KCNQ1OT1: variants seen among roughly 807,000 people sequenced by gnomAD.
The protein encoded by KCNQ1OT1 is KCNQ1 opposite strand/antisense transcript 1.
In KCNQ1OT1 at chr11:2,645,575, A is replaced by T; in HGVS notation, n.54420T>A. The T allele has an allele frequency of 2.5e-6, 1 of 398,714 alleles. No homozygotes were observed. Among genetic ancestry groups the T allele is most frequent in the Non-Finnish European group, 4.4e-6 (1 of 226,152 alleles). The allele number at this position is 398,714 out of a possible 1,614,324, so 24.7% of individuals were successfully genotyped here. ...TCAGTGGCAGCAGCTATAAACAGGC[A>T]GTTGGGCAATGCATGCTTCGGCCCC... On this transcript the variant is annotated non_coding_transcript_exon_variant, in exon 1 of 1. Coordinates refer to ENST00000597346, the Ensembl canonical transcript of KCNQ1OT1. The surrounding 1 kb of genome is among the most constrained non-coding windows in gnomAD (Gnocchi z 5.8).
At position 2,677,444 on chromosome 11, in the gene KCNQ1OT1, C is replaced by A. The variant is rs1166305737; in HGVS notation, n.22551G>T. 2.5e-6 allele frequency: 1 copy of A among 398,540 alleles called. No homozygotes were observed. Among genetic ancestry groups the A allele is most frequent in the Non-Finnish European group, 4.4e-6 (1 of 226,036 alleles). 24.7% of individuals were successfully genotyped at this position (398,540 alleles called of 1,614,324 possible). On this transcript the variant is annotated non_coding_transcript_exon_variant, in exon 1 of 1. Transcript: ENST00000597346. This position sits in a 1 kb window ranked among gnomAD's most constrained non-coding sequence, Gnocchi z 4.5. ...ACAGCAGGGGAGATGATAATTGATG[C>A]AGGTGGCCTCTTGGTCAAGCAGTGA...
In KCNQ1OT1 at chr11:2,652,384, G is replaced by C. The variant is rs188337484; in HGVS notation, n.47611C>G. ...AAGGTGAAAAGATCGCTCTTAATTA[G>C]ATTAAAAACATTTTTTTCTTCCTGT... is the stretch of plus-strand genomic sequence containing the variant. On this transcript the variant is annotated non_coding_transcript_exon_variant, in exon 1 of 1. Coordinates refer to ENST00000597346, the Ensembl canonical transcript of KCNQ1OT1. The surrounding 1 kb of genome is among the most constrained non-coding windows in gnomAD (Gnocchi z 5.9). The C allele has an allele frequency of 5.0e-6, 2 of 398,634 alleles. No individual in the cohort carries two copies. Among genetic ancestry groups the C allele is most frequent in the Admixed American group, 8.8e-5 (2 of 22,734 alleles). 24.7% of individuals were successfully genotyped at this position (398,634 alleles called of 1,614,324 possible).
Position 2,611,127 on chromosome 11 carries a change from C to T in KCNQ1OT1, n.88868G>A, listed in dbSNP as rs1419218446. 2.5e-6 allele frequency: 1 copy of T among 398,236 alleles called. No homozygotes were observed. Among genetic ancestry groups the T allele is most frequent in the African/African-American group, 2.1e-5 (1 of 48,582 alleles). The allele number at this position is 398,236 out of a possible 1,614,324, so 24.7% of individuals were successfully genotyped here. On this transcript the variant is annotated non_coding_transcript_exon_variant, in exon 1 of 1. Transcript: ENST00000597346. This position sits in a 1 kb window ranked among gnomAD's most constrained non-coding sequence, Gnocchi z 5.3. ...CTTCTGTTTATGATTTCTATTTCTT[C>T]CTGTTAAATTTTCCCTTTTGTCATT...
chr11:2,658,909 T>C lies in KCNQ1OT1; in HGVS notation n.41086A>G, dbSNP rs986553990. ...ACCCTATTGTACACGTAGTACCCTA[T>C]GTGAAGCAAATTTACCTACTAGATT... On this transcript the variant is annotated non_coding_transcript_exon_variant, in exon 1 of 1. Coordinates refer to ENST00000597346, the Ensembl canonical transcript of KCNQ1OT1. This position sits in a 1 kb window ranked among gnomAD's most constrained non-coding sequence, Gnocchi z 4.9. 2.3e-5 allele frequency: 9 copies of C among 398,484 alleles called. No individual in the cohort carries two copies. Among genetic ancestry groups the C allele is most frequent in the Non-Finnish European group, 3.1e-5 (7 of 226,052 alleles). 24.7% of individuals were successfully genotyped at this position (398,484 alleles called of 1,614,324 possible).
chr11:2,655,321 C>G (rs1409760195), exon 1 of KCNQ1OT1: 3 of 398,466 alleles, frequency 7.5e-6, no homozygotes, highest in Non-Finnish European at 4.4e-6. Flanking sequence ...CTGGCCTTGA[C>G]AAAGCAAAGG....
Position 2,690,004 on chromosome 11 carries a change from T to C in KCNQ1OT1, n.9991A>G, listed in dbSNP as rs1460439829. 4 of 398,754 alleles carry C rather than the reference T, an allele frequency of 1.0e-5. No individual in the cohort carries two copies. The highest frequency in any genetic ancestry group is 8.8e-5 in the Admixed American group (2 of 22,728). 24.7% of individuals were successfully genotyped at this position (398,754 alleles called of 1,614,324 possible). On this transcript the variant is annotated non_coding_transcript_exon_variant, in exon 1 of 1. Coordinates refer to ENST00000597346, the Ensembl canonical transcript of KCNQ1OT1. This position sits in a 1 kb window ranked among gnomAD's most constrained non-coding sequence, Gnocchi z 5.1. ...AGACCTTTGCCCAAGCAGAGAACTG[T>C]TGAGGAAGGTGAGCCTTCCGAGGGC... is the stretch of plus-strand genomic sequence containing the variant.
rs1850231907 is a variant in KCNQ1OT1, at chr11:2,673,723, G to T, written n.26272C>A. ...GGTTGCTGAATCTCAGGGCTTGGAAGGCCCAGACTGGACAGGGGAAGGGGT... is the reference window on the plus strand; with the variant it reads ...GGTTGCTGAATCTCAGGGCTTGGAATGCCCAGACTGGACAGGGGAAGGGGT... On this transcript the variant is annotated non_coding_transcript_exon_variant, in exon 1 of 1. Transcript: ENST00000597346. This position sits in a 1 kb window ranked among gnomAD's most constrained non-coding sequence, Gnocchi z 4.5. The T allele has an allele frequency of 2.5e-6, 1 of 398,696 alleles. No homozygotes were observed. Among genetic ancestry groups the T allele is most frequent in the Non-Finnish European group, 4.4e-6 (1 of 226,144 alleles). 24.7% of individuals were successfully genotyped at this position (398,696 alleles called of 1,614,324 possible). A position where few individuals can be genotyped will look rare whatever the true frequency, so the allele number is the denominator to read the frequency against.
At position 2,642,426 on chromosome 11, in the gene KCNQ1OT1, A is replaced by G. The variant is rs751753279; in HGVS notation, n.57569T>C. 1.3e-5 allele frequency: 5 copies of G among 398,032 alleles called. No individual in the cohort carries two copies. The South Asian group carries it at 5.1e-4, about 41-fold the overall frequency. The allele number at this position is 398,032 out of a possible 1,614,324, so 24.7% of individuals were successfully genotyped here. ...GCTGGTTCTTTATTGGTATATAGAA[A>G]TAAGCCTGATTTTTAAATCCTGTAA... On this transcript the variant is annotated non_coding_transcript_exon_variant, in exon 1 of 1. Transcript: ENST00000597346. The surrounding 1 kb of genome is among the most constrained non-coding windows in gnomAD (Gnocchi z 4.3).
exon 1 of KCNQ1OT1, chr11:2,618,080 G>A (rs1162806748): frequency 2.5e-6 from 1 of 398,378 alleles, no homozygotes; most frequent in African/African-American, 2.1e-5. Context: ...AGCTTTTGGT[G>A]TGATCTCCAA....
In KCNQ1OT1 at chr11:2,612,001, T is replaced by C; in HGVS notation, n.87994A>G. ...TTCTCAGTACTCTTATTAACACATA[T>C]GTTGTTACTCCTTAATTCCACATAT... is the stretch of plus-strand genomic sequence containing the variant. On this transcript the variant is annotated non_coding_transcript_exon_variant, in exon 1 of 1. Coordinates refer to ENST00000597346, the Ensembl canonical transcript of KCNQ1OT1. The surrounding 1 kb of genome is among the most constrained non-coding windows in gnomAD (Gnocchi z 5.5). 2.5e-6 allele frequency: 1 copy of C among 398,668 alleles called. No individual in the cohort carries two copies. Among genetic ancestry groups the C allele is most frequent in the Non-Finnish European group, 4.4e-6 (1 of 226,062 alleles). 24.7% of individuals were successfully genotyped at this position (398,668 alleles called of 1,614,324 possible).
Position 2,612,814 on chromosome 11 carries a change from T to G in KCNQ1OT1, n.87181A>C, listed in dbSNP as rs924298518. 1 of 398,482 alleles carries G rather than the reference T, an allele frequency of 2.5e-6. No individual in the cohort carries two copies. The highest frequency in any genetic ancestry group is 4.4e-6 in the Non-Finnish European group (1 of 226,064). The allele number at this position is 398,482 out of a possible 1,614,324, so 24.7% of individuals were successfully genotyped here. The stretch of plus-strand genomic sequence containing the variant: ...GTTTCTTTGCATATCTCATTTTTTT[T>G]GTTAAAAACTTACTTTAGATAATAT... On this transcript the variant is annotated non_coding_transcript_exon_variant, in exon 1 of 1. Coordinates refer to ENST00000597346, the Ensembl canonical transcript of KCNQ1OT1. The surrounding 1 kb of genome is among the most constrained non-coding windows in gnomAD (Gnocchi z 5.5).
chr11:2,693,656 T>C (rs1348742985), exon 1 of KCNQ1OT1: 5 of 398,524 alleles, frequency 1.3e-5, no homozygotes, highest in African/African-American at 8.2e-5. Context: ...GAAAGGCTTT[T>C]AGTTCCGCAG....
In KCNQ1OT1 at chr11:2,679,801, G is replaced by A; in HGVS notation, n.20194C>T. 2.5e-6 allele frequency: 1 copy of A among 398,632 alleles called. No individual in the cohort carries two copies. The highest frequency in any genetic ancestry group is 3.6e-5 in the East Asian group (1 of 28,080). 24.7% of individuals were successfully genotyped at this position (398,632 alleles called of 1,614,324 possible). A position where few individuals can be genotyped will look rare whatever the true frequency, so the allele number is the denominator to read the frequency against. ...CCTGTTAGGCCAGTTGAGGGCTAGA[G>A]GAGCACAAGGGGCCAGACTGCTGCT... On this transcript the variant is annotated non_coding_transcript_exon_variant, in exon 1 of 1. Coordinates refer to ENST00000597346, the Ensembl canonical transcript of KCNQ1OT1. This position sits in a 1 kb window ranked among gnomAD's most constrained non-coding sequence, Gnocchi z 4.8.
chr11:2,655,672 T>TGGGGGGGGGGGGGGGGGGCC, exon 1 of KCNQ1OT1: 1 of 389,744 alleles, frequency 2.6e-6, no homozygotes, highest in South Asian at 1.4e-4. Flanking sequence ...AAGAGCTGAA[T>TGGGGGGGGGGGGGGGGGGCC]CCCCACCCAC....
chr11:2,665,629 C>T (rs1178327166), exon 1 of KCNQ1OT1: 2 of 397,568 alleles, frequency 5.0e-6, no homozygotes, highest in African/African-American at 2.1e-5. Context: ...CGGCTGTGTC[C>T]TCCTTTGGCT....
chr11:2,627,668 G>GTA lies in KCNQ1OT1; in HGVS notation n.72325_72326dup. 2 of 398,486 alleles carry GTA rather than the reference G, an allele frequency of 5.0e-6. No homozygotes were observed. The highest frequency in any genetic ancestry group is 4.4e-6 in the Non-Finnish European group (1 of 226,036). The allele number at this position is 398,486 out of a possible 1,614,324, so 24.7% of individuals were successfully genotyped here. A position where few individuals can be genotyped will look rare whatever the true frequency, so the allele number is the denominator to read the frequency against. On this transcript the variant is annotated non_coding_transcript_exon_variant, in exon 1 of 1. Coordinates refer to ENST00000597346, the Ensembl canonical transcript of KCNQ1OT1. The surrounding 1 kb of genome is among the most constrained non-coding windows in gnomAD (Gnocchi z 4.9). ...AGGATGAATATTTCATTGTGTGTGT[G>GTA]TATATATGTGTGTGTGTGTGTCTGT...
In KCNQ1OT1 at chr11:2,677,681, T is replaced by C. The variant is rs907387560; in HGVS notation, n.22314A>G. The C allele has an allele frequency of 7.5e-6, 3 of 398,512 alleles. No homozygotes were observed. The highest frequency in any genetic ancestry group is 6.2e-5 in the African/African-American group (3 of 48,640). 24.7% of individuals were successfully genotyped at this position (398,512 alleles called of 1,614,324 possible). A position where few individuals can be genotyped will look rare whatever the true frequency, so the allele number is the denominator to read the frequency against. ...ATATGAGATAAAATAATATTTTAACTACTGTTATTTTTCAAATTAACTTCC... is the reference window on the plus strand; with the variant it reads ...ATATGAGATAAAATAATATTTTAACCACTGTTATTTTTCAAATTAACTTCC... On this transcript the variant is annotated non_coding_transcript_exon_variant, in exon 1 of 1. Transcript: ENST00000597346. The surrounding 1 kb of genome is among the most constrained non-coding windows in gnomAD (Gnocchi z 4.5).
Position 2,677,242 on chromosome 11 carries a change from C to T in KCNQ1OT1, n.22753G>A. 1 of 398,448 alleles carries T rather than the reference C, an allele frequency of 2.5e-6. No homozygotes were observed. The highest frequency in any genetic ancestry group is 4.4e-6 in the Non-Finnish European group (1 of 226,032). 24.7% of individuals were successfully genotyped at this position (398,448 alleles called of 1,614,324 possible). A position where few individuals can be genotyped will look rare whatever the true frequency, so the allele number is the denominator to read the frequency against. ...AACCAAAGACAATATAAAGCACACA[C>T]AAAGTAAAGAGGAACTTATAAAGAG... On this transcript the variant is annotated non_coding_transcript_exon_variant, in exon 1 of 1. Transcript: ENST00000597346. This position sits in a 1 kb window ranked among gnomAD's most constrained non-coding sequence, Gnocchi z 4.5.
At chr11:2,692,758 G>A (rs929286802) in exon 1 of KCNQ1OT1, 2 of 398,498 alleles carry the variant, frequency 5.0e-6, no homozygotes, top group Non-Finnish European at 8.8e-6. Flanking sequence ...TCTGGGCCAG[G>A]GTCTAGTACC....
Sources: allele counts gnomAD v4.1 joint callset, GRCh38; gene constraint gnomAD v4.1.1; non-coding constraint Gnocchi (gnomAD v3.1); transcripts MANE v1.5; gene names NCBI Gene and HGNC (gene_info 2026-07-23, HGNC 2026-07-21).